DDX1: variants seen among roughly 807,000 people sequenced by gnomAD.
The protein encoded by DDX1 is ATP-dependent RNA helicase DDX1.
DDX1 carries 28 observed loss-of-function variants against 108.7 expected under a neutral mutation model. The ratio of observed to expected loss-of-function variants is 0.26; its 90% CI spans 0.19 to 0.35. The LOEUF (loss-of-function observed/expected upper bound fraction) is 0.35, where lower values mean the gene tolerates loss of function less well. DDX1 is among the 10% of genes least tolerant of loss of function. The probability of loss-of-function intolerance (pLI) is 1.00; values close to 1 mark genes in which losing one functional copy is unlikely to be tolerated. For synonymous variants in DDX1, 295 were observed against 288.9 expected (o/e 1.02, Z -0.21); for missense variants, 710 against 884.5 (o/e 0.80, Z 2.50).
At chr2:15,598,827 C>A (rs536331440) in intron 5 of DDX1, among the ~76,000 whole-genome samples, 4 of 152,000 alleles carry the variant, frequency 2.6e-5, no homozygotes, top group Non-Finnish European at 5.9e-5. Context: ...TACATCTTAA[C>A]AAACTATCAA....
At position 15,595,524 on chromosome 2, in the gene DDX1, T is replaced by C. The variant is rs2302929; in HGVS notation, c.103T>C (p.Leu35=). 303,958 of 1,604,936 alleles carry C rather than the reference T, an allele frequency of 0.19. 31,237 individuals carry two copies. Among genetic ancestry groups the C allele is most frequent in the East Asian group, 0.37 (16,607 of 44,754 alleles). ...TGATATCCAGGCTGAATCTATCCCA[T>C]TGATCTTAGGAGGAGGTGATGTACT... The part of the protein sequence containing the change: ...PTDIQAESIP[L]ILGGGDVLMA... Residue 35 remains leucine (L), a synonymous_variant, in exon 3 of 26, where the codon TTG becomes CTG. Coordinates refer to ENST00000233084, the MANE Select transcript of DDX1 (RefSeq NM_004939.3).
intron 13 of DDX1, among the ~76,000 whole-genome samples, chr2:15,612,453 G>A (rs1665790386): frequency 6.6e-6 from 1 of 151,930 alleles, no homozygotes; most frequent in Non-Finnish European, 1.5e-5. Context: ...TGGGATGGTG[G>A]CCGGGAAGAG....
At chr2:15,602,656 T>A (rs769294018) in intron 7 of DDX1, 25 bp downstream of exon 7, 19 of 1,525,128 alleles carry the variant, frequency 1.2e-5, no homozygotes, top group African/African-American at 2.7e-5. Flanking sequence ...TCTGCACTTG[T>A]ATAAACTTTT....
intron 13 of DDX1, among the ~76,000 whole-genome samples, chr2:15,609,532 T>C (rs1480250624): frequency 6.6e-6 from 1 of 152,268 alleles, no homozygotes; most frequent in African/African-American, 2.4e-5. Context: ...TTTTTAGAGC[T>C]ATACTTGCTT....
intron 13 of DDX1, among the ~76,000 whole-genome samples, chr2:15,612,442 A>G (rs545499729): frequency 0.02 from 2,976 of 147,814 alleles, 71 homozygotes; most frequent in East Asian, 0.086. Flanking sequence ...CACTTCCTAG[A>G]TGGGATGGTG....
intron 13 of DDX1, among the ~76,000 whole-genome samples, chr2:15,607,751 C>T (rs6431718): frequency 0.24 from 35,926 of 151,932 alleles, 5,293 homozygotes; most frequent in African/African-American, 0.42. Context: ...GATAGGGTTT[C>T]ACTATGTTGC....
At position 15,630,872 on chromosome 2, in the gene DDX1, G is replaced by A; in HGVS notation, c.2189G>A (p.Gly730Asp). 1 of 1,614,078 alleles carries A rather than the reference G, an allele frequency of 6.2e-7. No individual in the cohort carries two copies. Among genetic ancestry groups the A allele is most frequent in the South Asian group, 1.1e-5 (1 of 91,074 alleles). Residue 730 changes from glycine to aspartate, a missense_variant, in exon 26 of 26, where the codon GGC becomes GAC. Around this residue, in one of 3 missense-constraint regions of DDX1, gnomAD observed 661 missense variants for 810.2 expected, o/e 0.82. Transcript: ENST00000233084. ...KEAQTSFLHL[G>D]YLPNQLFRTF ...GCGCAGACATCTTTCCTGCATCTTG[G>A]CTACCTTCCTAACCAGCTGTTCAGA... is the stretch of plus-strand genomic sequence containing the variant.
intron 13 of DDX1, among the ~76,000 whole-genome samples, chr2:15,607,658 C>T (rs1665687211): frequency 6.6e-6 from 1 of 152,076 alleles, no homozygotes; most frequent in South Asian, 2.1e-4. Flanking sequence ...ATGATTGTAG[C>T]TCACTGCAAC....
In DDX1 at chr2:15,604,728, G is replaced by A. The variant is rs1247077263; in HGVS notation, c.625+219G>A. Among the ~76,000 whole-genome samples, 3 of 152,216 alleles carry A rather than the reference G, an allele frequency of 2.0e-5. 1 individual carries two copies. Among genetic ancestry groups the A allele is most frequent in the South Asian group, 4.1e-4 (2 of 4,834 alleles). Reference sequence around the variant, plus strand: ...GACATTTGGGGCTTACACACTAGTGGTGAAAGACAGACATATAATACCATG... The same window carrying A: ...GACATTTGGGGCTTACACACTAGTGATGAAAGACAGACATATAATACCATG... On this transcript the variant is annotated intron_variant, in intron 10 of 25. Transcript: ENST00000233084.
chr2:15,606,384 CT>C (rs1386218782), intron 12 of DDX1, 120 bp downstream of exon 12: 1 of 641,056 alleles, frequency 1.6e-6, no homozygotes, highest in Admixed American at 3.2e-5. Flanking sequence ...AGTCACACAT[CT>C]TTTTTTAACA....
intron 14 of DDX1, among the ~76,000 whole-genome samples, chr2:15,614,077 T>TC (rs1291565783): frequency 6.6e-6 from 1 of 152,186 alleles, no homozygotes; most frequent in African/African-American, 2.4e-5. Flanking sequence ...CGCCCTGGCC[T>TC]CCCAAAGTGC....
rs373094061 is a variant in DDX1, at chr2:15,606,032, T to C, written c.702+6T>C. On this transcript the variant is annotated splice_donor_region_variant and intron_variant, in intron 11 of 25. Transcript: ENST00000233084. Reference sequence around the variant, plus strand: ...TTCCTGCCTGTGTTTTGAAGGTAATTAGGAATCTAGTTAGAAAAAATTTGC... The same window carrying C: ...TTCCTGCCTGTGTTTTGAAGGTAATCAGGAATCTAGTTAGAAAAAATTTGC... 7.0e-6 allele frequency: 11 copies of C among 1,582,396 alleles called. No individual in the cohort carries two copies. In the African/African-American group the frequency reaches 1.5e-4, roughly 22 times the overall value.
chr2:15,615,942 G>A (rs1320202184), intron 14 of DDX1, among the ~76,000 whole-genome samples: 1 of 151,830 alleles, frequency 6.6e-6, no homozygotes, highest in African/African-American at 2.4e-5. Context: ...GCCCAGGCTG[G>A]AGTGCAGTGG....
chr2:15,615,400 T>G (rs973073021), intron 14 of DDX1, among the ~76,000 whole-genome samples: 1 of 152,194 alleles, frequency 6.6e-6, no homozygotes, highest in Non-Finnish European at 1.5e-5. Flanking sequence ...GTGGTTAGAA[T>G]ACTGTACTAA....
intron 20 of DDX1, among the ~76,000 whole-genome samples, chr2:15,628,113 G>A (rs2148750385): frequency 6.6e-6 from 1 of 152,190 alleles, no homozygotes; most frequent in African/African-American, 2.4e-5. Context: ...GCTTATGTCT[G>A]TACATTGTAT....
intron 24 of DDX1, 142 bp from the exon 25 acceptor site, chr2:15,629,848 G>T: frequency 9.6e-7 from 1 of 1,046,600 alleles, no homozygotes; most frequent in South Asian, 1.8e-5. Flanking sequence ...TTTGCTAATT[G>T]TAAGTTGTGA....
chr2:15,630,205 A>G, intron 25 of DDX1, 95 bp downstream of exon 25: 1 of 1,279,866 alleles, frequency 7.8e-7, no homozygotes, highest in East Asian at 2.4e-5. Flanking sequence ...TCATTAGGTT[A>G]AGAGTATATT....
chr2:15,605,180 C>G (rs115706558), intron 10 of DDX1, among the ~76,000 whole-genome samples: 4 of 152,174 alleles, frequency 2.6e-5, no homozygotes, highest in African/African-American at 9.6e-5. Context: ...TTTAACAGTA[C>G]CATTCTGGCT....
chr2:15,628,752 G>A (rs11900266), intron 22 of DDX1, 42 bp downstream of exon 22: 386,915 of 1,612,616 alleles, frequency 0.24, 48,274 homozygotes, highest in Admixed American at 0.29. Flanking sequence ...AAGCTTGTAT[G>A]CTTTAGGAAT....
Sources: allele counts gnomAD v4.1 joint callset (sites outside exome capture counted in the v4.1 genomes callset), GRCh38; gene constraint gnomAD v4.1.1; regional missense constraint gnomAD v4.1.1; transcripts MANE v1.5; gene names NCBI Gene and HGNC (gene_info 2026-07-23, HGNC 2026-07-21).